SEMA3C: variants seen among roughly 807,000 people sequenced by gnomAD.
The protein encoded by SEMA3C is semaphorin 3C, also known as semaphorin-3C.
SEMA3C carries 47 observed loss-of-function variants against 89.4 expected under a neutral mutation model. The ratio of observed to expected loss-of-function variants is 0.53; its 90% CI spans 0.42 to 0.67. The LOEUF (loss-of-function observed/expected upper bound fraction) is 0.67. SEMA3C is among the 30% of genes least tolerant of loss of function. SEMA3C has a pLI of 0.00. For missense variants in SEMA3C, 839 were observed against 929.1 expected, an observed-to-expected ratio of 0.90 and a Z score of 1.26; for synonymous variants, 310 against 320.2, an observed-to-expected ratio of 0.97 and a Z score of 0.34.
At chr7:80,800,152 C>CAAAAAAAAAAAAAAAAAAAAAAAAAA in intron 10 of SEMA3C, among the ~76,000 whole-genome samples, 1 of 58,398 alleles carries the variant, frequency 1.7e-5, no homozygotes, top group Non-Finnish European at 3.7e-5. Context: ...GACTCCATCT[C>CAAAAAAAAAAAAAAAAAAAAAAAAAA]AAAAAAAAAA....
At chr7:80,834,444 A>C (rs1790080424) in intron 2 of SEMA3C, among the ~76,000 whole-genome samples, 2 of 152,188 alleles carry the variant, frequency 1.3e-5, no homozygotes, top group African/African-American at 4.8e-5. Context: ...CCCTGCCAAC[A>C]GAAGCTTCTG....
intron 2 of SEMA3C, among the ~76,000 whole-genome samples, chr7:80,875,270 T>C (rs1203221156): frequency 2.0e-5 from 3 of 152,178 alleles, no homozygotes; most frequent in East Asian, 1.9e-4. Context: ...ATAATGACTA[T>C]GTCTGCATTA....
Position 80,804,263 on chromosome 7 carries a change from A to C in SEMA3C, c.659-15T>G. ...AAACATAGGTTCTAGAAAAAAAGGT[A>C]AAAGACTAGGTATATATTCATTATG... On this transcript the variant is annotated splice_polypyrimidine_tract_variant and intron_variant, in intron 7 of 17. Transcript: ENST00000265361. The C allele has an allele frequency of 3.2e-6, 5 of 1,576,136 alleles. No homozygotes were observed. Among genetic ancestry groups the C allele is most frequent in the Non-Finnish European group, 4.3e-6 (5 of 1,160,196 alleles).
chr7:80,853,548 T>A (rs1215002074), intron 2 of SEMA3C, among the ~76,000 whole-genome samples: 1 of 152,136 alleles, frequency 6.6e-6, no homozygotes, highest in Non-Finnish European at 1.5e-5. Context: ...CTCACTCATT[T>A]ATGGGAGCTA....
intron 2 of SEMA3C, among the ~76,000 whole-genome samples, chr7:80,878,022 A>G (rs1791240325): frequency 6.6e-6 from 1 of 152,106 alleles, no homozygotes; most frequent in South Asian, 2.1e-4. Flanking sequence ...ATTTAATTAC[A>G]CTTTGTAAGT....
chr7:80,748,905 C>A lies in SEMA3C; in HGVS notation c.1835G>T (p.Arg612Met). Residue 612 changes from arginine (R) to methionine (M), a missense_variant, in exon 17 of 18, where the codon AGG (arginine) becomes ATG (methionine). Transcript: ENST00000265361. ...KWLLQKDKDR[R>M]KEVKLNERII... is the part of the protein sequence containing the mutation. The stretch of plus-strand genomic sequence containing the variant: ...CTGTGCTGCTTTACTCACCTCTTTC[C>A]TCCTGTCTTTGTCTTTCTGTAACAG... The A allele has an allele frequency of 6.2e-7, 1 of 1,611,262 alleles. No individual in the cohort carries two copies. Among genetic ancestry groups the A allele is most frequent in the Non-Finnish European group, 8.5e-7 (1 of 1,178,826 alleles).
At chr7:80,898,749 C>A (rs1321200178) in intron 2 of SEMA3C, among the ~76,000 whole-genome samples, 2 of 146,714 alleles carry the variant, frequency 1.4e-5, no homozygotes, top group Admixed American at 1.4e-4. Context: ...AATTTTTTCA[C>A]AATAATTATG....
At position 80,744,961 on chromosome 7, in the gene SEMA3C, C is replaced by T; in HGVS notation, c.2189G>A (p.Gly730Asp). 6.2e-7 allele frequency: 1 copy of T among 1,614,096 alleles called. No homozygotes were observed. Among genetic ancestry groups the T allele is most frequent in the Non-Finnish European group, 8.5e-7 (1 of 1,179,986 alleles). ...ACTATTGATGAGGGCCTTTAACTTG[C>T]CATAGTCCCCTCTCATTTTCTGTGA... ...DESQKMRGDY[G>D]KLKALINSRK... Residue 730 changes from glycine to aspartate, a missense_variant, in exon 18 of 18, where the codon GGC (glycine) becomes GAC (aspartate). Coordinates refer to ENST00000265361, the MANE Select transcript of SEMA3C (RefSeq NM_006379.5).
At chr7:80,843,850 A>G (rs1790328049) in intron 2 of SEMA3C, among the ~76,000 whole-genome samples, 1 of 152,172 alleles carries the variant, frequency 6.6e-6, no homozygotes. Flanking sequence ...AGTAAATGAG[A>G]GGAAAAGTTT....
chr7:80,835,616 C>A (rs1369287436), intron 2 of SEMA3C, among the ~76,000 whole-genome samples: 1 of 152,136 alleles, frequency 6.6e-6, no homozygotes, highest in African/African-American at 2.4e-5. Context: ...AGCAGTGAAA[C>A]TTCAGCGGAC....
intron 12 of SEMA3C, among the ~76,000 whole-genome samples, chr7:80,770,941 C>T (rs1429909377): frequency 6.6e-6 from 1 of 152,236 alleles, no homozygotes; most frequent in Non-Finnish European, 1.5e-5. Context: ...GGAAGTAAAA[C>T]TGAAAGGTTG....
chr7:80,816,850 T>G (rs980266992), intron 5 of SEMA3C, among the ~76,000 whole-genome samples: 3 of 152,216 alleles, frequency 2.0e-5, no homozygotes, highest in African/African-American at 7.2e-5. Context: ...GGAGATTATT[T>G]TTTTGGACAG....
chr7:80,861,499 G>A (rs913635005), intron 2 of SEMA3C, among the ~76,000 whole-genome samples: 1 of 152,046 alleles, frequency 6.6e-6, no homozygotes, highest in Non-Finnish European at 1.5e-5. Context: ...TTAATAAGAG[G>A]TTATTTGTGG....
Position 80,909,107 on chromosome 7 carries a change from C to A in SEMA3C, c.103+7572G>T, listed in dbSNP as rs954447419. Among the ~76,000 whole-genome samples the A allele has an allele frequency of 7.9e-5, 12 of 151,960 alleles. 1 individual carries two copies. Among genetic ancestry groups the A allele is most frequent in the Admixed American group, 6.6e-5 (1 of 15,238 alleles). ...GTGTATGTGTGTGTGTGAGAGAGTT[C>A]TGCATTTATTTTTACTCAGATATAT... On this transcript the variant is annotated intron_variant, in intron 2 of 17. Transcript: ENST00000265361.
intron 5 of SEMA3C, among the ~76,000 whole-genome samples, chr7:80,814,084 C>CTTTTTTTTTTTT (rs1170850950): frequency 8.2e-6 from 1 of 122,146 alleles, no homozygotes. Context: ...TTTTTTTTTT[C>CTTTTTTTTTTTT]TTTTTTCTTT....
chr7:80,922,149 C>T (rs1292102080), upstream of SEMA3C: 41 of 707,518 alleles, frequency 5.8e-5, no homozygotes, highest in Non-Finnish European at 7.5e-5. Context: ...AATGAGAGAA[C>T]GTTGAAGGTT....
At chr7:80,810,272 A>G (rs183039006) in intron 6 of SEMA3C, among the ~76,000 whole-genome samples, 40 of 152,254 alleles carry the variant, frequency 2.6e-4, no homozygotes, top group Non-Finnish European at 1.2e-4. Context: ...AAAATACTAA[A>G]ACATGAGAAA....
chr7:80,758,097 G>C, intron 15 of SEMA3C, among the ~76,000 whole-genome samples: 1 of 152,148 alleles, frequency 6.6e-6, no homozygotes, highest in Admixed American at 6.5e-5. Context: ...GCTTTGAAGG[G>C]AGAAAGGACT....
At chr7:80,752,147 A>G (rs958543923) in intron 15 of SEMA3C, among the ~76,000 whole-genome samples, 1 of 152,210 alleles carries the variant, frequency 6.6e-6, no homozygotes, top group African/African-American at 2.4e-5. Flanking sequence ...TAACAATATA[A>G]TTATCTAAAT....
Sources: gnomAD v4.1 joint callset for allele counts (sites outside exome capture counted in the v4.1 genomes callset) on GRCh38, gnomAD v4.1.1 for gene constraint, MANE v1.5 for transcripts, NCBI Gene and HGNC (gene_info 2026-07-23, HGNC 2026-07-21) for gene names.